The following ADAM32 variants were observed in gnomAD, a reference collection of about 807,000 sequenced individuals.
ADAM32 encodes the protein ADAM metallopeptidase domain 32.
In ADAM32, 89 loss-of-function variants were observed where a neutral mutation model predicts 114.9. The observed-to-expected ratio is 0.77, with a 90% CI of 0.65 to 0.92. ADAM32 has a LOEUF of 0.92. Among genes scored for constraint, ADAM32 ranks in the 40% least tolerant of loss-of-function variants. The probability of loss-of-function intolerance (pLI) is 0.00; values close to 1 mark genes in which losing one functional copy is unlikely to be tolerated. For synonymous variants in ADAM32, 285 were observed against 307.5 expected (o/e 0.93, Z 0.77); for missense variants, 870 against 932.8 (o/e 0.93, Z 0.88).
chr8:39,234,773 A>G (rs1809994758), intron 16 of ADAM32, among the ~76,000 whole-genome samples: 1 of 152,256 alleles, frequency 6.6e-6, no homozygotes, highest in Admixed American at 6.5e-5. Context: ...GGAATAACAC[A>G]GCAAAGGTTC....
intron 11 of ADAM32, among the ~76,000 whole-genome samples, chr8:39,189,949 G>T (rs1487862510): frequency 6.6e-6 from 1 of 152,100 alleles, no homozygotes; most frequent in Non-Finnish European, 1.5e-5. Context: ...CGAGCAGCTG[G>T]AACTATAGGC....
intron 19 of ADAM32, among the ~76,000 whole-genome samples, chr8:39,260,651 A>G (rs1260639944): frequency 1.3e-5 from 2 of 152,048 alleles, no homozygotes; most frequent in African/African-American, 2.4e-5. Context: ...AAGTCAGTTC[A>G]CTAGTATTTT....
rs557711204 is a variant in ADAM32, at chr8:39,147,447, A to G, written c.276+242A>G. Among the ~76,000 whole-genome samples the G allele has an allele frequency of 9.3e-4, 142 of 152,002 alleles. 1 individual carries two copies. The highest frequency in any genetic ancestry group is 3.3e-3 in the African/African-American group (137 of 41,540). ...TGATATTTTGTTAAATAAAATATTT[A>G]TTATTTATATTTTGTTTGTAAGAAT... On this transcript the variant is annotated intron_variant, in intron 4 of 24. Coordinates refer to ENST00000379907, the MANE Select transcript of ADAM32 (RefSeq NM_145004.7).
intron 11 of ADAM32, among the ~76,000 whole-genome samples, chr8:39,210,299 A>G (rs753683391): frequency 6.6e-6 from 1 of 152,120 alleles, no homozygotes; most frequent in Non-Finnish European, 1.5e-5. Context: ...CAGATTGGGG[A>G]CGGGATGGTG....
chr8:39,113,057 T>C (rs908420562), intron 1 of ADAM32, among the ~76,000 whole-genome samples: 1 of 152,230 alleles, frequency 6.6e-6, no homozygotes, highest in Non-Finnish European at 1.5e-5. Context: ...GTGGTAGAAA[T>C]GAGTTGTGAG....
intron 11 of ADAM32, among the ~76,000 whole-genome samples, chr8:39,203,122 G>C (rs1414796083): frequency 6.6e-6 from 1 of 152,182 alleles, no homozygotes; most frequent in Non-Finnish European, 1.5e-5. Context: ...ATTTGGGGTG[G>C]AGAGTTCTGT....
chr8:39,200,465 G>A (rs1247016812), intron 11 of ADAM32, among the ~76,000 whole-genome samples: 2 of 152,050 alleles, frequency 1.3e-5, no homozygotes, highest in African/African-American at 4.8e-5. Context: ...CTTTTTGATG[G>A]GGTTGTTTGT....
At chr8:39,203,612 G>A (rs1166117598) in intron 11 of ADAM32, among the ~76,000 whole-genome samples, 7 of 152,118 alleles carry the variant, frequency 4.6e-5, no homozygotes. Context: ...CTTTTAATTG[G>A]AGCATTTAGC....
chr8:39,152,287 G>T (rs1803879466), intron 6 of ADAM32, among the ~76,000 whole-genome samples: 1 of 152,220 alleles, frequency 6.6e-6, no homozygotes, highest in South Asian at 2.1e-4. Flanking sequence ...AACTGCATGT[G>T]TTGGTGCTTA....
chr8:39,273,539 A>C (rs2129451437), intron 20 of ADAM32, among the ~76,000 whole-genome samples: 1 of 152,044 alleles, frequency 6.6e-6, no homozygotes, highest in South Asian at 2.1e-4. Context: ...AAAACAAACA[A>C]ACAAACAAAC....
At chr8:39,278,398 A>C (rs1813223498) in intron 22 of ADAM32, among the ~76,000 whole-genome samples, 1 of 152,066 alleles carries the variant, frequency 6.6e-6, no homozygotes, top group South Asian at 2.1e-4. Flanking sequence ...CCAGAGACCC[A>C]CCCTTTTCTG....
At chr8:39,141,892 T>C (rs551430546) in intron 3 of ADAM32, among the ~76,000 whole-genome samples, 9 of 152,338 alleles carry the variant, frequency 5.9e-5, no homozygotes, top group Non-Finnish European at 1.2e-4. Context: ...GGTGCATATA[T>C]ATTTAGGATA....
In ADAM32 at chr8:39,281,158, G is replaced by C; in HGVS notation, c.2302G>C (p.Glu768Gln). The part of the protein sequence containing the change: ...TSKSKSEDSA[E>Q]AYTSRSKSQD... ...TAGATCCAAATCAGAAGATAGTGCT[G>C]AAGCATATACTAGCAGGTAAGCAGG... Residue 768 changes from glutamate (E) to glutamine (Q), a missense_variant, in exon 23 of 25, where the codon GAA becomes CAA. Physicochemically the swap from Glu to Gln is conservative, Grantham distance 29. Coordinates refer to ENST00000379907, the MANE Select transcript of ADAM32 (RefSeq NM_145004.7). 1 of 1,373,572 alleles carries C rather than the reference G, an allele frequency of 7.3e-7. No individual in the cohort carries two copies. Among genetic ancestry groups the C allele is most frequent in the Non-Finnish European group, 9.6e-7 (1 of 1,039,988 alleles). The allele number at this position is 1,373,572 out of a possible 1,614,324, so 85.1% of individuals were successfully genotyped here.
At chr8:39,143,227 C>A (rs1040361154) in intron 3 of ADAM32, among the ~76,000 whole-genome samples, 5 of 152,206 alleles carry the variant, frequency 3.3e-5, no homozygotes, top group African/African-American at 1.2e-4. Context: ...CAAACTCATT[C>A]TCCGTCCAAT....
intron 3 of ADAM32, among the ~76,000 whole-genome samples, chr8:39,141,872 T>G (rs1803179724): frequency 6.6e-6 from 1 of 152,176 alleles, no homozygotes; most frequent in Non-Finnish European, 1.5e-5. Flanking sequence ...ATCTGGGTGC[T>G]CCTGTATTGG....
chr8:39,163,398 A>G (rs754177090), intron 7 of ADAM32, among the ~76,000 whole-genome samples: 21 of 152,184 alleles, frequency 1.4e-4, no homozygotes, highest in African/African-American at 4.8e-4. Context: ...ACATATTTCT[A>G]TTTTACCTTA....
At chr8:39,283,518 T>C in intron 23 of ADAM32, 68 bp from the exon 24 acceptor site, 1 of 1,272,680 alleles carries the variant, frequency 7.9e-7, no homozygotes, top group South Asian at 1.6e-5. Flanking sequence ...CCATAACAAA[T>C]AAATACAACA....
rs1055897440 is a variant in ADAM32 at position 39,210,955 on chromosome 8, T to C, written c.1053-189T>C. ...GCTATTGAATTGTACTTAATTTTGTTTTATTAAGAACATGTATTCCAGTGA... is the reference window on the plus strand; with the variant it reads ...GCTATTGAATTGTACTTAATTTTGTCTTATTAAGAACATGTATTCCAGTGA... On this transcript the variant is annotated intron_variant, in intron 11 of 24. Transcript: ENST00000379907. Among the ~76,000 whole-genome samples the C allele has an allele frequency of 5.9e-5, 9 of 152,244 alleles. 1 individual carries two copies. The East Asian group carries it at 1.7e-3, about 29-fold the overall frequency.
chr8:39,126,108 C>T (rs150197805), intron 2 of ADAM32, among the ~76,000 whole-genome samples: 3 of 152,222 alleles, frequency 2.0e-5, no homozygotes, highest in African/African-American at 4.8e-5. Flanking sequence ...CCTTCAGCTT[C>T]GTTCTTCTTG....
Sources: allele counts gnomAD v4.1 joint callset (sites outside exome capture counted in the v4.1 genomes callset), GRCh38; gene constraint gnomAD v4.1.1; transcripts MANE v1.5; gene names NCBI Gene and HGNC (gene_info 2026-07-23, HGNC 2026-07-21).